IL10RA: variants seen among roughly 807,000 people sequenced by gnomAD.
The protein encoded by IL10RA is interleukin-10 receptor subunit alpha.
IL10RA carries 18 observed loss-of-function variants against 29.6 expected under a neutral mutation model. That is an observed-to-expected ratio of 0.61 (90% CI 0.42 to 0.90). The LOEUF (loss-of-function observed/expected upper bound fraction) is 0.90. Ranked by LOEUF, IL10RA falls within the 40% of genes least tolerant of loss-of-function variation. The pLI, the probability that IL10RA is intolerant of heterozygous loss-of-function variation, is 0.00. For missense variants in IL10RA, 634 were observed against 716.6 expected (o/e 0.88, Z 1.32); for synonymous variants, 292 against 294.1 (o/e 0.99, Z 0.07).
chr11:118,000,186 G>T lies in IL10RA; in HGVS notation c.*545G>T. ...GAACCTCCCCTCATCGGGCCTCTGG[G>T]GCAGGAAGCTTGTCACTGGAAGATC... On this transcript the variant is annotated 3_prime_UTR_variant, in exon 7 of 7. Transcript: ENST00000227752. 2.2e-6 allele frequency: 1 copy of T among 454,386 alleles called. No individual in the cohort carries two copies. The highest frequency in any genetic ancestry group is 4.4e-6 in the Non-Finnish European group (1 of 226,886). 28.1% of individuals were successfully genotyped at this position (454,386 alleles called of 1,614,324 possible). A position where few individuals can be genotyped will look rare whatever the true frequency, so the allele number is the denominator to read the frequency against.
rs1447881842 is a variant in IL10RA at position 117,999,603 on chromosome 11, A to C, written c.1699A>C (p.Thr567Pro). The change falls in exon 7 of 7, where the codon ACC becomes CCC. Residue 567 changes from threonine to proline, a missense_variant. Physicochemically the swap from Thr to Pro is conservative, Grantham distance 38 (BLOSUM62 -1). Coordinates refer to ENST00000227752, the MANE Select transcript of IL10RA (RefSeq NM_001558.4). ...GGGCAGCTTTAACTCAGACCTGGTC[A>C]CCCTGCCCCTCATCTCTAGCCTGCA... ...LLGSFNSDLV[T>P]LPLISSLQSS... 2.5e-6 allele frequency: 4 copies of C among 1,613,992 alleles called. No individual in the cohort carries two copies. Among genetic ancestry groups the C allele is most frequent in the Non-Finnish European group, 3.4e-6 (4 of 1,179,996 alleles).
rs923133632 is a variant in IL10RA, at chr11:118,000,718, C to T, written c.*1077C>T. 1.3e-5 allele frequency: 6 copies of T among 454,158 alleles called. No homozygotes were observed. The highest frequency in any genetic ancestry group is 2.2e-5 in the Non-Finnish European group (5 of 226,800). The allele number at this position is 454,158 out of a possible 1,614,324, so 28.1% of individuals were successfully genotyped here. On this transcript the variant is annotated 3_prime_UTR_variant, in exon 7 of 7. Coordinates refer to ENST00000227752, the MANE Select transcript of IL10RA (RefSeq NM_001558.4). The stretch of plus-strand genomic sequence containing the variant: ...TCTCCCATCTGTGAAATAAGGACTC[C>T]ACCTTTAGGGGACCCTCCATGTTTG...
At chr11:117,997,859 T>G (rs1189611654) in intron 6 of IL10RA, among the ~76,000 whole-genome samples, 1 of 152,146 alleles carries the variant, frequency 6.6e-6, no homozygotes, top group Admixed American at 6.5e-5. Context: ...AAGGCTTTGC[T>G]GAAGAAGTGA....
chr11:117,986,609 G>T, intron 1 of IL10RA, 75 bp downstream of exon 1: 1 of 1,545,030 alleles, frequency 6.5e-7, no homozygotes. Context: ...CCATCCAGTG[G>T]AGAGCCCTGG....
intron 1 of IL10RA, chr11:117,987,643 G>A (rs1223941150): frequency 3.9e-5 from 6 of 154,468 alleles, no homozygotes; most frequent in African/African-American, 1.2e-4. Context: ...AATGCCTTCA[G>A]CAGTGTTTCC....
Position 117,999,625 on chromosome 11 carries a change from T to C in IL10RA, c.1721T>C (p.Leu574Pro). The part of the protein sequence containing the change: ...DLVTLPLISS[L>P]QSSE ...GTCACCCTGCCCCTCATCTCTAGCC[T>C]GCAGTCAAGTGAGTGACTCGGGCTG... The change falls in exon 7 of 7, where the codon CTG becomes CCG. Residue 574 changes from leucine to proline, a missense_variant. By Grantham distance (98) the Leu-to-Pro change is moderately conservative. Coordinates refer to ENST00000227752, the MANE Select transcript of IL10RA (RefSeq NM_001558.4). 6.2e-7 allele frequency: 1 copy of C among 1,613,936 alleles called. No individual in the cohort carries two copies. The highest frequency in any genetic ancestry group is 8.5e-7 in the Non-Finnish European group (1 of 1,179,822).
chr11:117,992,244 A>G (rs2058027920), intron 3 of IL10RA, among the ~76,000 whole-genome samples: 1 of 152,210 alleles, frequency 6.6e-6, no homozygotes, highest in Admixed American at 6.5e-5. Flanking sequence ...ATCACATGGT[A>G]GCTCTATTTT....
rs1475635471 is a variant in IL10RA at position 117,988,420 on chromosome 11, G to A, written c.106G>A (p.Ala36Thr). ...LPSPPSVWFE[A>T]EFFHHILHWT... ...CAGCCCTCCGTCTGTGTGGTTTGAA[G>A]CAGAATTTTTCCACCACATCCTCCA... The change falls in exon 2 of 7, where the codon GCA becomes ACA. Residue 36 changes from alanine (A) to threonine (T), a missense_variant. Coordinates refer to ENST00000227752, the MANE Select transcript of IL10RA (RefSeq NM_001558.4). 1.9e-6 allele frequency: 3 copies of A among 1,614,158 alleles called. No homozygotes were observed. The East Asian group carries it at 6.7e-5, about 36-fold the overall frequency.
At position 117,999,203 on chromosome 11, in the gene IL10RA, T is replaced by A; in HGVS notation, c.1299T>A (p.Pro433=). The change falls in exon 7 of 7, where the codon CCT becomes CCA. Residue 433 remains proline (P), a synonymous_variant. Coordinates refer to ENST00000227752, the MANE Select transcript of IL10RA (RefSeq NM_001558.4). The part of the protein sequence containing the change: ...GHHSPPEPEV[P]GEEDPAAVAF... Reference sequence around the variant, plus strand: ...ACAGTCCCCCGGAGCCTGAGGTGCCTGGGGAAGAAGACCCAGCTGCTGTGG... The same window carrying A: ...ACAGTCCCCCGGAGCCTGAGGTGCCAGGGGAAGAAGACCCAGCTGCTGTGG... 1 of 1,614,212 alleles carries A rather than the reference T, an allele frequency of 6.2e-7. No individual in the cohort carries two copies. The highest frequency in any genetic ancestry group is 8.5e-7 in the Non-Finnish European group (1 of 1,180,028).
In IL10RA at chr11:117,999,729, C is replaced by T. The variant is rs777667543; in HGVS notation, c.*88C>T. On this transcript the variant is annotated 3_prime_UTR_variant, in exon 7 of 7. Coordinates refer to ENST00000227752, the MANE Select transcript of IL10RA (RefSeq NM_001558.4). ...GGGCCCCTGGGGCAGAAGTTAGGCA[C>T]GAGGCAGTCTGGGCACTTTTCTGCA... 7.2e-6 allele frequency: 9 copies of T among 1,243,426 alleles called. No homozygotes were observed. Among genetic ancestry groups the T allele is most frequent in the South Asian group, 2.4e-5 (2 of 82,216 alleles). The allele number at this position is 1,243,426 out of a possible 1,614,324, so 77.0% of individuals were successfully genotyped here. A position where few individuals can be genotyped will look rare whatever the true frequency, so the allele number is the denominator to read the frequency against.
intron 3 of IL10RA, 93 bp from the exon 4 acceptor site, chr11:117,993,148 C>A: frequency 8.3e-7 from 1 of 1,204,006 alleles, no homozygotes; most frequent in Non-Finnish European, 1.2e-6. Context: ...TCTAATTAAG[C>A]TTAATTCTGG....
Position 117,993,289 on chromosome 11 carries a change from T to C in IL10RA, c.416T>C (p.Ile139Thr), listed in dbSNP as rs775703417. Residue 139 changes from isoleucine (I) to threonine (T), a missense_variant, in exon 4 of 7, where the codon ATC becomes ACC. By Grantham distance (89) the Ile-to-Thr change is moderately conservative. Transcript: ENST00000227752. ...SVNLEIHNGF[I>T]LGKIQLPRPK... The stretch of plus-strand genomic sequence containing the variant: ...AACCTAGAGATCCACAATGGCTTCA[T>C]CCTCGGGAAGATTCAGCTACCCAGG... The C allele has an allele frequency of 1.2e-6, 2 of 1,614,106 alleles. No individual in the cohort carries two copies. Among genetic ancestry groups the C allele is most frequent in the East Asian group, 2.2e-5 (1 of 44,880 alleles).
intron 3 of IL10RA, among the ~76,000 whole-genome samples, chr11:117,991,223 A>G (rs915741854): frequency 6.6e-6 from 1 of 151,956 alleles, no homozygotes; most frequent in African/African-American, 2.4e-5. Context: ...TAAACAAAAA[A>G]CAGTAAAGTG....
chr11:117,986,997 T>A lies in IL10RA; in HGVS notation c.67+463T>A. Reference sequence around the variant, plus strand: ...ATCACCCCGATCTGATCCCCCTTGCTCCACCTGTAGCCCCCAACTCACTCC... The same window carrying A: ...ATCACCCCGATCTGATCCCCCTTGCACCACCTGTAGCCCCCAACTCACTCC... On this transcript the variant is annotated intron_variant, in intron 1 of 6. Transcript: ENST00000227752. 3 of 481,998 alleles carry A rather than the reference T, an allele frequency of 6.2e-6. No homozygotes were observed. In the Admixed American group the frequency reaches 7.5e-5, roughly 12 times the overall value. 29.9% of individuals were successfully genotyped at this position (481,998 alleles called of 1,614,324 possible).
At chr11:117,988,117 C>T (rs1782821640) in intron 1 of IL10RA, 1 of 524,466 alleles carries the variant, frequency 1.9e-6, no homozygotes. Flanking sequence ...TGCCTTCTTC[C>T]CTGGTAGGCA....
At chr11:117,998,654 G>C (rs1044266103) in intron 6 of IL10RA, 61 bp from the exon 7 acceptor site, 50 of 1,476,420 alleles carry the variant, frequency 3.4e-5, no homozygotes, top group Non-Finnish European at 4.6e-5. Flanking sequence ...TTCCCCGGCA[G>C]CACTGGGATG....
Position 117,989,560 on chromosome 11 carries a change from G to C in IL10RA, c.307G>C (p.Val103Leu), listed in dbSNP as rs949201626. Residue 103 changes from valine (V) to leucine (L), a missense_variant, in exon 3 of 7, where the codon GTG (valine) becomes CTG (leucine). Coordinates refer to ENST00000227752, the MANE Select transcript of IL10RA (RefSeq NM_001558.4). This position sits in a 1 kb window ranked among gnomAD's most constrained non-coding sequence, Gnocchi z 4.5. ...SNGYRARVRA[V>L]DGSRHSNWTV... The stretch of plus-strand genomic sequence containing the variant: ...TGGCTACCGGGCCAGAGTGCGGGCT[G>C]TGGACGGCAGCCGGCACTCCAACTG... The C allele has an allele frequency of 6.2e-7, 1 of 1,614,070 alleles. No individual in the cohort carries two copies. The highest frequency in any genetic ancestry group is 1.3e-5 in the African/African-American group (1 of 74,934).
At position 117,999,045 on chromosome 11, in the gene IL10RA, C is replaced by A; in HGVS notation, c.1141C>A (p.Pro381Thr). Reference sequence around the variant, plus strand: ...CTGCCTGCAGGAGCCCAGCCTGAGCCCCAGCACAGGGCCCACCTGGGAGCA... The same window carrying A: ...CTGCCTGCAGGAGCCCAGCCTGAGCACCAGCACAGGGCCCACCTGGGAGCA... ...GICLQEPSLS[P>T]STGPTWEQQV... The change falls in exon 7 of 7, where the codon CCC (proline) becomes ACC (threonine). Residue 381 changes from proline to threonine, a missense_variant. Transcript: ENST00000227752. 1 of 1,613,002 alleles carries A rather than the reference C, an allele frequency of 6.2e-7. No homozygotes were observed.
At chr11:117,987,888 G>C (rs756458186) in intron 1 of IL10RA, 26 of 214,138 alleles carry the variant, frequency 1.2e-4, no homozygotes, top group Admixed American at 1.0e-3. Flanking sequence ...GGGGAGCCCA[G>C]GAGACCTATG....
Sources: gnomAD v4.1 joint callset for allele counts (sites outside exome capture counted in the v4.1 genomes callset) on GRCh38, gnomAD v4.1.1 for gene constraint, Gnocchi (gnomAD v3.1) non-coding constraint, MANE v1.5 for transcripts, NCBI Gene and HGNC (gene_info 2026-07-23, HGNC 2026-07-21) for gene names.